The following CNGB1 variants were observed in gnomAD, a reference collection of about 807,000 sequenced individuals.
The protein encoded by CNGB1 is cyclic nucleotide gated channel subunit beta 1.
Under a neutral mutation model 151.7 loss-of-function variants are expected in CNGB1, and 126 were observed. That is an observed-to-expected ratio of 0.83 (90% confidence interval 0.72 to 0.96). The LOEUF (loss-of-function observed/expected upper bound fraction) is 0.96, where lower values mean the gene tolerates loss of function less well. Among genes scored for constraint, CNGB1 ranks in the 40% least tolerant of loss-of-function variants. CNGB1 has a pLI of 0.00. For synonymous variants in CNGB1, 623 were observed against 635.1 expected, an observed-to-expected ratio of 0.98 and a Z score of 0.29; for missense variants, 1,698 against 1,627.0, an observed-to-expected ratio of 1.04 and a Z score of -0.75.
In CNGB1 at chr16:57,927,403, C is replaced by A. The variant is rs151287899; in HGVS notation, c.1536-4023G>T. ...CTCTACAGAGAGGCAGGCCTCAGAACTCTCCCCTCTCAGGGCTGGGCTCAG... is the reference window on the plus strand; with the variant it reads ...CTCTACAGAGAGGCAGGCCTCAGAAATCTCCCCTCTCAGGGCTGGGCTCAG... On this transcript the variant is annotated intron_variant, in intron 17 of 32. Coordinates refer to ENST00000251102, the MANE Select transcript of CNGB1 (RefSeq NM_001297.5). Among the ~76,000 whole-genome samples the A allele has an allele frequency of 8.9e-3, 1,350 of 152,346 alleles. 12 individuals carry two copies. The highest frequency in any genetic ancestry group is 0.01 in the Non-Finnish European group (698 of 68,040).
At chr16:57,931,578 T>A in intron 17 of CNGB1, 138 bp downstream of exon 17, 1 of 985,698 alleles carries the variant, frequency 1.0e-6, no homozygotes, top group Non-Finnish European at 1.6e-6. Context: ...GGAAGGGGCA[T>A]CATAGTCCCA....
chr16:57,926,965 A>G (rs1961208241), intron 17 of CNGB1, among the ~76,000 whole-genome samples: 1 of 152,198 alleles, frequency 6.6e-6, no homozygotes, highest in African/African-American at 2.4e-5. Context: ...ACAGGCAACA[A>G]GAGCACAACT....
chr16:57,939,617 A>G (rs1427198293), intron 15 of CNGB1, 25 bp from the exon 16 acceptor site: 1 of 1,614,158 alleles, frequency 6.2e-7, no homozygotes, highest in Admixed American at 1.7e-5. Context: ...GTGAAAACAG[A>G]AACTGTGACC....
chr16:57,915,709 C>T (rs1200239593), intron 22 of CNGB1, among the ~76,000 whole-genome samples: 1 of 151,798 alleles, frequency 6.6e-6, no homozygotes, highest in Non-Finnish European at 1.5e-5. Context: ...GACCAGACTG[C>T]CCAACATGGT....
At chr16:57,891,041 T>C (rs1425767903) in intron 31 of CNGB1, among the ~76,000 whole-genome samples, 1 of 152,220 alleles carries the variant, frequency 6.6e-6, no homozygotes. Flanking sequence ...GCACAGCTCT[T>C]GGGAGGTGCC....
chr16:57,907,530 A>G (rs12448401), intron 25 of CNGB1, among the ~76,000 whole-genome samples: 2,976 of 152,354 alleles, frequency 0.02, 52 homozygotes, highest in Non-Finnish European at 0.031. Context: ...GACATGCTAC[A>G]CATATTAATT....
rs1352918871 is a variant in CNGB1, at chr16:57,883,082, A to G, written c.*1082T>C. The G allele has an allele frequency of 6.6e-6, 1 of 152,104 alleles. No individual in the cohort carries two copies. Among genetic ancestry groups the G allele is most frequent in the Non-Finnish European group, 1.5e-5 (1 of 68,024 alleles). 9.4% of individuals were successfully genotyped at this position (152,104 alleles called of 1,614,324 possible). ...TGGCCAGTAAGTCCATTTCCCTTCTATCTGTTCTGAGATAATGGCATTGCA... is the reference window on the plus strand; with the variant it reads ...TGGCCAGTAAGTCCATTTCCCTTCTGTCTGTTCTGAGATAATGGCATTGCA... On this transcript the variant is annotated 3_prime_UTR_variant, in exon 33 of 33. Coordinates refer to ENST00000251102, the MANE Select transcript of CNGB1 (RefSeq NM_001297.5).
In CNGB1 at chr16:57,941,598, T is replaced by C. The variant is rs146735784; in HGVS notation, c.1122-1277A>G. On this transcript the variant is annotated intron_variant, in intron 14 of 32. Transcript: ENST00000251102. ...AACGCGGTACACCACAGCAACAAAA[T>C]CATATGATCATCTCAATAGATGCAG... is the stretch of plus-strand genomic sequence containing the variant. Among the ~76,000 whole-genome samples, 9 of 152,304 alleles carry C rather than the reference T, an allele frequency of 5.9e-5. No individual in the cohort carries two copies. The East Asian group carries it at 1.7e-3, about 29-fold the overall frequency.
At chr16:57,926,890 G>C (rs1018660352) in intron 17 of CNGB1, among the ~76,000 whole-genome samples, 2 of 152,236 alleles carry the variant, frequency 1.3e-5, no homozygotes, top group Non-Finnish European at 2.9e-5. Context: ...TGAGGTAGGA[G>C]AATCGCTTAA....
intron 6 of CNGB1, 57 bp from the exon 7 acceptor site, chr16:57,962,667 C>T (rs181951041): frequency 2.5e-6 from 4 of 1,590,076 alleles, no homozygotes; most frequent in East Asian, 4.5e-5. Context: ...GCCCCAGCCC[C>T]CTGGGCAGCC....
chr16:57,910,507 T>C (rs1196481561), intron 25 of CNGB1, among the ~76,000 whole-genome samples: 7 of 152,080 alleles, frequency 4.6e-5, no homozygotes, highest in Non-Finnish European at 1.0e-4. Flanking sequence ...CCCGAGTAAC[T>C]GAGACTACAG....
At chr16:57,953,059 C>A (rs1186989109) in intron 12 of CNGB1, among the ~76,000 whole-genome samples, 1 of 152,194 alleles carries the variant, frequency 6.6e-6, no homozygotes, top group African/African-American at 2.4e-5. Flanking sequence ...CCCAGCTTCT[C>A]CGTGGCCCTA....
At chr16:57,904,115 G>C in intron 26 of CNGB1, 134 bp from the exon 27 acceptor site, 1 of 732,958 alleles carries the variant, frequency 1.4e-6, no homozygotes, top group East Asian at 2.7e-5. Context: ...GAGGGGGGTA[G>C]GCAGATGTCC....
At chr16:57,953,524 G>A (rs1180493915) in intron 12 of CNGB1, among the ~76,000 whole-genome samples, 1 of 149,328 alleles carries the variant, frequency 6.7e-6, no homozygotes, top group Admixed American at 6.7e-5. Context: ...AAAGTCAACA[G>A]CCTCATGTAG....
Position 57,903,989 on chromosome 16 carries a change from A to G in CNGB1, c.2635-8T>C, listed in dbSNP as rs1264867044. The stretch of plus-strand genomic sequence containing the variant: ...CCCTACCACATCTCTCATCTGGGGG[A>G]AGGGTTATGGGAGGTCAAGGAAGCC... On this transcript the variant is annotated splice_polypyrimidine_tract_variant and splice_region_variant and intron_variant, in intron 26 of 32. Transcript: ENST00000251102. 1 of 1,612,954 alleles carries G rather than the reference A, an allele frequency of 6.2e-7. No individual in the cohort carries two copies. Among genetic ancestry groups the G allele is most frequent in the Non-Finnish European group, 8.5e-7 (1 of 1,179,718 alleles).
chr16:57,945,181 C>T (rs1230139725), intron 14 of CNGB1, among the ~76,000 whole-genome samples: 9 of 152,152 alleles, frequency 5.9e-5, no homozygotes, highest in Non-Finnish European at 1.2e-4. Flanking sequence ...CCCAAGGCCA[C>T]GTGCTTAATG....
intron 4 of CNGB1, among the ~76,000 whole-genome samples, chr16:57,963,726 C>T (rs1030205816): frequency 2.0e-5 from 3 of 152,180 alleles, no homozygotes; most frequent in Non-Finnish European, 2.9e-5. Context: ...GAGAAACGTC[C>T]GGCCCCCTGT....
At chr16:57,907,484 C>A (rs545418085) in intron 25 of CNGB1, among the ~76,000 whole-genome samples, 1 of 152,262 alleles carries the variant, frequency 6.6e-6, no homozygotes, top group Non-Finnish European at 1.5e-5. Context: ...CATAGCTAGG[C>A]ACAGGGGCCA....
chr16:57,911,613 C>T (rs1960712487), intron 25 of CNGB1, 140 bp downstream of exon 25: 1 of 1,204,404 alleles, frequency 8.3e-7, no homozygotes, highest in African/African-American at 1.5e-5. Context: ...TGAGCCTTGT[C>T]ATGCCAGTGA....
Sources: allele counts gnomAD v4.1 joint callset (sites outside exome capture counted in the v4.1 genomes callset), GRCh38; gene constraint gnomAD v4.1.1; transcripts MANE v1.5; gene names NCBI Gene and HGNC (gene_info 2026-07-23, HGNC 2026-07-21).